DMD: variants seen among roughly 807,000 people sequenced by gnomAD.
The protein encoded by DMD is dystrophin, also known as mutant dystrophin.
Under a neutral mutation model 330.1 loss-of-function variants are expected in DMD, and 63 were observed. The ratio of observed to expected loss-of-function variants is 0.19; its 90% confidence interval spans 0.16 to 0.24. The LOEUF is 0.24. Among genes scored for constraint, DMD ranks in the 10% least tolerant of loss-of-function variants. The pLI is 1.00. For missense variants in DMD, 3,344 were observed against 2,684.1 expected, an observed-to-expected ratio of 1.25 and a Z score of -5.43; for synonymous variants, 1,223 against 959.8, an observed-to-expected ratio of 1.27 and a Z score of -5.07.
At chrX:33,182,698 T>C (rs937863933) in intron 1 of DMD, among the ~76,000 whole-genome samples, 3 of 112,363 alleles carry the variant, frequency 2.7e-5, no homozygotes, top group African/African-American at 9.7e-5. Context: ...TGTAAAATAT[T>C]TTTCTAATTT....
At chrX:32,205,024 C>T (rs1181792339) in intron 44 of DMD, among the ~76,000 whole-genome samples, 201 of 81,646 alleles carry the variant, frequency 2.5e-3, no homozygotes, top group Non-Finnish European at 4.3e-3. Context: ...CACACACACA[C>T]ACACACACAC....
At chrX:31,137,887 A>T (rs941421409) in intron 76 of DMD, among the ~76,000 whole-genome samples, 51 of 111,357 alleles carry the variant, frequency 4.6e-4, no homozygotes, top group African/African-American at 1.5e-3. Flanking sequence ...TGAGTTGCAC[A>T]AGTATTTGAG....
intron 60 of DMD, among the ~76,000 whole-genome samples, chrX:31,354,263 A>T (rs950935358): frequency 1.4e-4 from 16 of 112,113 alleles, no homozygotes; most frequent in African/African-American, 4.9e-4. Flanking sequence ...GAATGAATTA[A>T]TGTACTGTTT....
At chrX:31,232,061 C>T (rs1233884158) in intron 63 of DMD, among the ~76,000 whole-genome samples, 1 of 78,912 alleles carries the variant, frequency 1.3e-5, no homozygotes, top group South Asian at 9.3e-4. Context: ...AACACAGCAG[C>T]GTAATAGGTC....
intron 32 of DMD, among the ~76,000 whole-genome samples, chrX:32,387,948 A>T (rs1034828010): frequency 4.5e-5 from 5 of 111,860 alleles, no homozygotes; most frequent in Non-Finnish European, 9.4e-5. Flanking sequence ...GGGGAGAAAT[A>T]TTATTTATAT....
chrX:33,237,590 C>A (rs1354567720), intron 1 of DMD, among the ~76,000 whole-genome samples: 1 of 111,417 alleles, frequency 9.0e-6, no homozygotes, highest in Non-Finnish European at 1.9e-5. Context: ...GACTTTCATA[C>A]CACTGGGCAA....
chrX:31,824,052 A>G (rs1351760136), intron 49 of DMD, among the ~76,000 whole-genome samples: 1 of 111,979 alleles, frequency 8.9e-6, no homozygotes, highest in Admixed American at 9.5e-5. Flanking sequence ...AAAGGTGGGC[A>G]TAAGTTAAAA....
At chrX:31,853,677 T>C (rs1470983889) in intron 48 of DMD, among the ~76,000 whole-genome samples, 1 of 111,254 alleles carries the variant, frequency 9.0e-6, no homozygotes, top group Non-Finnish European at 1.9e-5. Context: ...AAAGTTGGAA[T>C]GTCAAATGTG....
chrX:31,818,443 G>C (rs377035404), intron 50 of DMD, among the ~76,000 whole-genome samples: 1 of 110,812 alleles, frequency 9.0e-6, no homozygotes, highest in Non-Finnish European at 1.9e-5. Context: ...AATGGATTTC[G>C]GCGCCCTGGT....
chrX:31,864,065 C>A (rs1453563803), intron 48 of DMD, among the ~76,000 whole-genome samples: 3 of 110,942 alleles, frequency 2.7e-5, no homozygotes, highest in South Asian at 3.8e-4. Flanking sequence ...TTTAAAATGT[C>A]AATATTTACT....
In DMD at chrX:32,252,825, T is replaced by C. The variant is rs868590339; in HGVS notation, c.6290+34704A>G. On this transcript the variant is annotated intron_variant, in intron 43 of 78. Transcript: ENST00000357033. ...ATATAAATATATATAAGTATATAAA[T>C]ATATATAAATATATATAAATATATA... Among the ~76,000 whole-genome samples the C allele has an allele frequency of 8.4e-4, 53 of 62,789 alleles. 1 individual carries two copies. Among genetic ancestry groups the C allele is most frequent in the African/African-American group, 4.2e-3 (51 of 12,268 alleles). The allele number at this position is 62,789 out of a possible 115,157, so 54.5% of individuals were successfully genotyped here.
intron 76 of DMD, among the ~76,000 whole-genome samples, chrX:31,140,104 A>T (rs1262438991): frequency 8.9e-6 from 1 of 112,650 alleles, no homozygotes; most frequent in Non-Finnish European, 1.9e-5. Flanking sequence ...TTGCCATGGC[A>T]AGATATTCTT....
chrX:32,560,798 C>T (rs1399797370), intron 16 of DMD, among the ~76,000 whole-genome samples: 2 of 112,229 alleles, frequency 1.8e-5, no homozygotes, highest in Non-Finnish European at 3.8e-5. Flanking sequence ...CATACTATTC[C>T]ATGGTGTATA....
chrX:31,591,320 A>G (rs2076858558), intron 55 of DMD, among the ~76,000 whole-genome samples: 1 of 111,341 alleles, frequency 9.0e-6, no homozygotes, highest in African/African-American at 3.3e-5. Context: ...CAGATATCTT[A>G]GTTTTCATTG....
At chrX:32,022,825 C>A (rs866369440) in intron 44 of DMD, among the ~76,000 whole-genome samples, 1 of 90,403 alleles carries the variant, frequency 1.1e-5, no homozygotes, top group Non-Finnish European at 2.2e-5. Context: ...GTATAATCCT[C>A]TTTTTTTTTT....
intron 60 of DMD, among the ~76,000 whole-genome samples, chrX:31,412,299 CT>C (rs991139197): frequency 1.8e-5 from 2 of 109,526 alleles, no homozygotes; most frequent in Non-Finnish European, 3.8e-5. Context: ...TGTGCAAGTA[CT>C]GTTGATTGTC....
intron 29 of DMD, among the ~76,000 whole-genome samples, chrX:32,415,390 A>G (rs1603632978): frequency 8.9e-6 from 1 of 111,796 alleles, no homozygotes; most frequent in East Asian, 2.8e-4. Flanking sequence ...AGATTCCTTG[A>G]TTATCTCAGT....
chrX:32,692,350 C>A (rs1238444993), intron 9 of DMD, among the ~76,000 whole-genome samples: 3 of 111,825 alleles, frequency 2.7e-5, no homozygotes, highest in Non-Finnish European at 3.8e-5. Context: ...TGTTCAGTCA[C>A]ATCAGGATGT....
At chrX:32,457,709 T>A (rs1398754827) in intron 25 of DMD, among the ~76,000 whole-genome samples, 1 of 20,292 alleles carries the variant, frequency 4.9e-5, no homozygotes, top group Non-Finnish European at 8.9e-5. Flanking sequence ...AGAAGCTAGT[T>A]TTTTGCAGAA....
Sources: allele counts gnomAD v4.1 joint callset (sites outside exome capture counted in the v4.1 genomes callset), GRCh38; gene constraint gnomAD v4.1.1; transcripts MANE v1.5; gene names NCBI Gene and HGNC (gene_info 2026-07-23, HGNC 2026-07-21).